Variants in DOCK5 observed in about 807,000 individuals in gnomAD.
The protein encoded by DOCK5 is dedicator of cytokinesis 5, also known as dedicator of cytokinesis protein 5.
DOCK5 carries 142 observed loss-of-function variants against 251.8 expected under a neutral mutation model. The ratio of observed to expected loss-of-function variants is 0.56; its 90% confidence interval spans 0.49 to 0.65. The LOEUF is 0.65. DOCK5 is among the 30% of genes least tolerant of loss of function. The pLI, the probability that DOCK5 is intolerant of heterozygous loss-of-function variation, is 0.00. For synonymous variants in DOCK5, 842 were observed against 835.5 expected (o/e 1.01, Z -0.13); for missense variants, 2,111 against 2,312.3 (o/e 0.91, Z 1.79).
At chr8:25,220,348 G>A (rs994929604) in intron 1 of DOCK5, among the ~76,000 whole-genome samples, 2 of 152,046 alleles carry the variant, frequency 1.3e-5, no homozygotes, top group African/African-American at 4.8e-5. Context: ...GTTGACGGGT[G>A]GACTTCACAC....
At chr8:25,269,547 G>T (rs1308967144) in intron 3 of DOCK5, among the ~76,000 whole-genome samples, 2 of 152,074 alleles carry the variant, frequency 1.3e-5, no homozygotes, top group African/African-American at 4.8e-5. Context: ...CTTTTACTGT[G>T]CAACAAAGGC....
At chr8:25,346,537 G>A (rs181168044) in intron 26 of DOCK5, among the ~76,000 whole-genome samples, 6 of 150,918 alleles carry the variant, frequency 4.0e-5, no homozygotes, top group African/African-American at 1.5e-4. Context: ...TGAAAACACA[G>A]GGCTAAGGCC....
intron 46 of DOCK5, among the ~76,000 whole-genome samples, chr8:25,400,616 A>G (rs963785039): frequency 6.6e-6 from 1 of 151,914 alleles, no homozygotes; most frequent in Admixed American, 6.6e-5. Flanking sequence ...AAACATGACT[A>G]CCAAATTCAG....
At chr8:25,226,593 T>G (rs1051038722) in intron 1 of DOCK5, among the ~76,000 whole-genome samples, 37 of 146,674 alleles carry the variant, frequency 2.5e-4, no homozygotes, top group Non-Finnish European at 4.1e-4. Context: ...ATTTTAAGTT[T>G]TTTTTTTTTC....
chr8:25,336,495 A>G, intron 22 of DOCK5, 122 bp downstream of exon 22: 2 of 1,298,050 alleles, frequency 1.5e-6, no homozygotes, highest in Non-Finnish European at 2.1e-6. Flanking sequence ...GCCTTATTTC[A>G]GAACTGCAGG....
chr8:25,290,765 A>G (rs940846779), intron 5 of DOCK5, among the ~76,000 whole-genome samples: 1 of 152,224 alleles, frequency 6.6e-6, no homozygotes, highest in Middle Eastern at 3.2e-3. Context: ...CCTACCAGCT[A>G]AGCAGGGAGG....
At chr8:25,354,484 G>A (rs868796713) in intron 27 of DOCK5, among the ~76,000 whole-genome samples, 9 of 152,174 alleles carry the variant, frequency 5.9e-5, no homozygotes, top group African/African-American at 1.9e-4. Context: ...AGCTCCATAT[G>A]TTTGAAGGGA....
intron 1 of DOCK5, among the ~76,000 whole-genome samples, chr8:25,214,759 A>G (rs1007012443): frequency 6.6e-6 from 1 of 152,134 alleles, no homozygotes; most frequent in Non-Finnish European, 1.5e-5. Flanking sequence ...GCACTTTATC[A>G]TTGCGAAAGG....
Position 25,387,428 on chromosome 8 carries a change from C to T in DOCK5, c.4132-1663C>T, listed in dbSNP as rs1023662742. 5.3e-5 allele frequency among the ~76,000 whole-genome samples: 8 copies of T among 152,268 alleles called. No homozygotes were observed. The East Asian group carries it at 1.5e-3, about 29-fold the overall frequency. ...TGATCTTTGAATCAGCGTCGACTCC[C>T]CTGTCTGCCCTGCCCTTCTCCCGAC... On this transcript the variant is annotated intron_variant, in intron 40 of 51. Transcript: ENST00000276440.
At chr8:25,319,494 T>G (rs1805362055) in intron 14 of DOCK5, 84 bp from the exon 15 acceptor site, 1 of 856,950 alleles carries the variant, frequency 1.2e-6, no homozygotes, top group African/African-American at 1.7e-5. Flanking sequence ...TGTTTGGGGG[T>G]GAGGGGCTTG....
chr8:25,196,816 A>T (rs562816545), intron 1 of DOCK5, among the ~76,000 whole-genome samples: 8 of 152,224 alleles, frequency 5.3e-5, no homozygotes, highest in East Asian at 3.9e-4. Context: ...CAAAAGAATT[A>T]AAAAAAAGGA....
At position 25,408,820 on chromosome 8, in the gene DOCK5, C is replaced by T; in HGVS notation, c.5284C>T (p.Gln1762Ter). The T allele has an allele frequency of 2.5e-6, 4 of 1,613,986 alleles. No homozygotes were observed. Among genetic ancestry groups the T allele is most frequent in the Non-Finnish European group, 3.4e-6 (4 of 1,179,890 alleles). Residue 1762 changes from glutamine (Q) to a stop codon, truncating the protein, a stop_gained, in exon 50 of 52, where the codon CAA (glutamine) becomes TAA (stop). Coordinates refer to ENST00000276440, the MANE Select transcript of DOCK5 (RefSeq NM_024940.8). LOFTEE classifies it high-confidence loss of function. ...GTCCTAGAGCCCAACCAGAAAAGCA[C>T]AAAGGCCAAAGAGTCTCCAGTTGAT... ...PDLMSPTRKA[Q>*]RPKSLQLMDN...
intron 1 of DOCK5, among the ~76,000 whole-genome samples, chr8:25,223,915 C>CATGCT (rs1051060986): frequency 1.3e-5 from 2 of 152,162 alleles, no homozygotes; most frequent in Admixed American, 6.5e-5. Flanking sequence ...TTTCCCTGAC[C>CATGCT]ATGCTTTGTA....
chr8:25,308,539 C>CG (rs1401384381), intron 11 of DOCK5, among the ~76,000 whole-genome samples: 10 of 152,270 alleles, frequency 6.6e-5, no homozygotes, highest in African/African-American at 2.4e-4. Context: ...AGTTGCTAAC[C>CG]GTTGGTCACC....
At chr8:25,357,937 A>G (rs1800607451) in intron 27 of DOCK5, among the ~76,000 whole-genome samples, 1 of 152,192 alleles carries the variant, frequency 6.6e-6, no homozygotes, top group Non-Finnish European at 1.5e-5. Context: ...TCTAGGGGAT[A>G]GCACCTTGAA....
chr8:25,237,887 G>A (rs1802842775), intron 1 of DOCK5, among the ~76,000 whole-genome samples: 1 of 152,184 alleles, frequency 6.6e-6, no homozygotes, highest in Non-Finnish European at 1.5e-5. Context: ...AGAAACTGAG[G>A]CCTAGGCTTA....
At chr8:25,197,069 T>C (rs1801747497) in intron 1 of DOCK5, among the ~76,000 whole-genome samples, 1 of 152,048 alleles carries the variant, frequency 6.6e-6, no homozygotes, top group East Asian at 1.9e-4. Flanking sequence ...GAAAAATCGT[T>C]TTCCCCTTCC....
intron 22 of DOCK5, 127 bp downstream of exon 22, chr8:25,336,500 T>C (rs1246652360): frequency 7.9e-7 from 1 of 1,265,492 alleles, no homozygotes; most frequent in Non-Finnish European, 1.1e-6. Flanking sequence ...ATTTCAGAAC[T>C]GCAGGGCTGA....
At position 25,372,281 on chromosome 8, in the gene DOCK5, C is replaced by T. The variant is rs369502398; in HGVS notation, c.3525-278C>T. ...GACATTGAAAGAAGGACATTGTGTG[C>T]TCAGATTCTAAGTGATGTTGGGACT... On this transcript the variant is annotated intron_variant, in intron 34 of 51. Transcript: ENST00000276440. Among the ~76,000 whole-genome samples, 5 of 152,164 alleles carry T rather than the reference C, an allele frequency of 3.3e-5. No homozygotes were observed. In the East Asian group the frequency reaches 5.8e-4, roughly 18 times the overall value.
Sources: allele counts gnomAD v4.1 joint callset (sites outside exome capture counted in the v4.1 genomes callset), GRCh38; gene constraint gnomAD v4.1.1; transcripts MANE v1.5; gene names NCBI Gene and HGNC (gene_info 2026-07-23, HGNC 2026-07-21).